TMC1: variants seen among roughly 807,000 people sequenced by gnomAD.
The protein encoded by TMC1 is transmembrane channel like 1, also known as transmembrane channel-like protein 1.
A neutral mutation model predicts 105.8 loss-of-function variants in TMC1; 84 were observed. That is an observed-to-expected ratio of 0.79 (90% CI 0.67 to 0.95). The LOEUF is 0.95. Ranked by LOEUF, TMC1 falls within the 40% of genes least tolerant of loss-of-function variation. The pLI, the probability that TMC1 is intolerant of heterozygous loss-of-function variation, is 0.00. For missense variants in TMC1, 817 were observed against 914.1 expected (o/e 0.89, Z 1.37); for synonymous variants, 315 against 311.5 (o/e 1.01, Z -0.12).
At chr9:72,567,182 C>T (rs557868717) in intron 1 of TMC1, among the ~76,000 whole-genome samples, 3 of 152,224 alleles carry the variant, frequency 2.0e-5, no homozygotes, top group African/African-American at 4.8e-5. Flanking sequence ...CCTGACTCCT[C>T]GTTCCAAGCA....
chr9:72,724,622 T>C (rs1827085247), intron 8 of TMC1, among the ~76,000 whole-genome samples: 1 of 152,168 alleles, frequency 6.6e-6, no homozygotes, highest in Non-Finnish European at 1.5e-5. Flanking sequence ...TTTCTGAAGT[T>C]CTTTTTAGAT....
chr9:72,746,272 C>T (rs539638488), intron 10 of TMC1, among the ~76,000 whole-genome samples: 1 of 152,280 alleles, frequency 6.6e-6, no homozygotes, highest in African/African-American at 2.4e-5. Context: ...ATAAGCCTGA[C>T]ATTATTGATT....
rs554984882 is a variant in TMC1, at chr9:72,669,182, G to A, written c.17-19527G>A. Reference sequence around the variant, plus strand: ...TTAGCTGGGTGAGGTGGCGGCAGGCGCCTGTAATCCCAGATACCCGGGAAG... The same window carrying A: ...TTAGCTGGGTGAGGTGGCGGCAGGCACCTGTAATCCCAGATACCCGGGAAG... On this transcript the variant is annotated intron_variant, in intron 5 of 23. Transcript: ENST00000297784. Among the ~76,000 whole-genome samples the A allele has an allele frequency of 2.8e-4, 43 of 152,154 alleles. 1 individual carries two copies. Among genetic ancestry groups the A allele is most frequent in the African/African-American group, 9.2e-4 (38 of 41,516 alleles).
chr9:72,805,470 T>G lies in TMC1; in HGVS notation c.1655T>G (p.Phe552Cys). Residue 552 changes from phenylalanine (F) to cysteine (C), a missense_variant, in exon 18 of 24, where the codon TTT (phenylalanine) becomes TGT (cysteine). Physicochemically the swap from Phe to Cys is radical, Grantham distance 205. Coordinates refer to ENST00000297784, the MANE Select transcript of TMC1 (RefSeq NM_138691.3). ...GDFLRACFVR[F>C]CNYCWCWDLE... ...TTTCTAAGGGCATGTTTTGTGAGGT[T>G]TTGCAATTATTGCTGGTGCTGGGAC... 1 of 1,614,026 alleles carries G rather than the reference T, an allele frequency of 6.2e-7. No individual in the cohort carries two copies. The highest frequency in any genetic ancestry group is 8.5e-7 in the Non-Finnish European group (1 of 1,179,956).
chr9:72,621,765 A>T (rs1484394444), intron 3 of TMC1, among the ~76,000 whole-genome samples: 6 of 151,836 alleles, frequency 4.0e-5, no homozygotes, highest in Admixed American at 3.9e-4. Flanking sequence ...ATATATTCAT[A>T]CTCTCCTCGG....
chr9:72,694,837 G>T, intron 7 of TMC1, 123 bp downstream of exon 7: 1 of 871,876 alleles, frequency 1.1e-6, no homozygotes, highest in Non-Finnish European at 1.8e-6. Flanking sequence ...TTAATCTGAT[G>T]ATGCTATTTT....
At chr9:72,655,875 A>G (rs1271542101) in intron 5 of TMC1, 25 of 768,714 alleles carry the variant, frequency 3.3e-5, no homozygotes, top group Non-Finnish European at 5.2e-5. Context: ...TCCTGGCTCA[A>G]TACTGATGGA....
At chr9:72,529,379 T>C (rs1253160465) in intron 1 of TMC1, among the ~76,000 whole-genome samples, 1 of 152,144 alleles carries the variant, frequency 6.6e-6, no homozygotes, top group Non-Finnish European at 1.5e-5. Context: ...TTTGAGGCTA[T>C]AGAGGGCTAT....
intron 8 of TMC1, among the ~76,000 whole-genome samples, chr9:72,716,614 C>G (rs72733042): frequency 2.6e-5 from 4 of 152,162 alleles, no homozygotes; most frequent in African/African-American, 7.2e-5. Flanking sequence ...TCCCTCCCCC[C>G]ACCAAGCTCG....
intron 5 of TMC1, among the ~76,000 whole-genome samples, chr9:72,681,466 G>T (rs530668259): frequency 6.6e-6 from 1 of 152,006 alleles, no homozygotes; most frequent in African/African-American, 2.4e-5. Flanking sequence ...TAGACTGATG[G>T]TGTCGTGAAA....
At chr9:72,745,879 A>G (rs955577847) in intron 10 of TMC1, among the ~76,000 whole-genome samples, 5 of 152,162 alleles carry the variant, frequency 3.3e-5, no homozygotes, top group African/African-American at 1.2e-4. Flanking sequence ...CAATATCTAC[A>G]ACATCTTGGG....
At chr9:72,555,569 C>G (rs182547500) in intron 1 of TMC1, among the ~76,000 whole-genome samples, 1 of 151,972 alleles carries the variant, frequency 6.6e-6, no homozygotes, top group South Asian at 2.1e-4. Flanking sequence ...AAATCCCATG[C>G]GAATAAGTGG....
chr9:72,683,158 T>C (rs1297526746), intron 5 of TMC1, among the ~76,000 whole-genome samples: 1 of 152,204 alleles, frequency 6.6e-6, no homozygotes, highest in Admixed American at 6.5e-5. Flanking sequence ...ATGGAGATGA[T>C]GCCTGAATAT....
chr9:72,766,441 G>A (rs1827841175), intron 12 of TMC1, among the ~76,000 whole-genome samples: 1 of 151,190 alleles, frequency 6.6e-6, no homozygotes, highest in Non-Finnish European at 1.5e-5. Flanking sequence ...AAAAGTATTA[G>A]CATGGCTCTG....
chr9:72,736,704 A>G (rs1284097309), intron 8 of TMC1, among the ~76,000 whole-genome samples: 1 of 152,202 alleles, frequency 6.6e-6, no homozygotes, highest in Non-Finnish European at 1.5e-5. Context: ...GATAACTCCT[A>G]TGTATACTTA....
chr9:72,668,449 G>T (rs1447258136), intron 5 of TMC1, among the ~76,000 whole-genome samples: 1 of 152,124 alleles, frequency 6.6e-6, no homozygotes, highest in Admixed American at 6.5e-5. Context: ...GTGAATTAAC[G>T]AGTGAATTAT....
chr9:72,728,865 A>C (rs545650549), intron 8 of TMC1, among the ~76,000 whole-genome samples: 86 of 152,098 alleles, frequency 5.7e-4, no homozygotes, highest in Non-Finnish European at 9.7e-4. Context: ...TAGAAAAAGG[A>C]TCTAGTGTGC....
chr9:72,636,285 A>G (rs1825533313), intron 4 of TMC1, among the ~76,000 whole-genome samples: 1 of 152,216 alleles, frequency 6.6e-6, no homozygotes, highest in South Asian at 2.1e-4. Context: ...CTAAGATTTC[A>G]ATATATGATT....
chr9:72,764,073 A>G (rs773005170), intron 12 of TMC1, among the ~76,000 whole-genome samples: 29 of 152,252 alleles, frequency 1.9e-4, no homozygotes, highest in Non-Finnish European at 4.0e-4. Context: ...ATTATAGTCA[A>G]TAATTTAAAC....
Sources: gnomAD v4.1 joint callset for allele counts (sites outside exome capture counted in the v4.1 genomes callset) on GRCh38, gnomAD v4.1.1 for gene constraint, MANE v1.5 for transcripts, NCBI Gene and HGNC (gene_info 2026-07-23, HGNC 2026-07-21) for gene names.